The following RIMS2 variants were observed in gnomAD, a reference collection of about 807,000 sequenced individuals.
RIMS2 encodes regulating synaptic membrane exocytosis 2.
Under a neutral mutation model 174.4 loss-of-function variants are expected in RIMS2, and 59 were observed. The ratio of observed to expected loss-of-function variants is 0.34; its 90% CI spans 0.27 to 0.42. The LOEUF (loss-of-function observed/expected upper bound fraction) is 0.42, where lower values mean the gene tolerates loss of function less well. Ranked by LOEUF, RIMS2 falls within the 10% of genes least tolerant of loss-of-function variation. The pLI is 1.00. For missense variants in RIMS2, 1,620 were observed against 1,666.3 expected (o/e 0.97, Z 0.48); for synonymous variants, 606 against 572.5 (o/e 1.06, Z -0.84).
chr8:103,569,387 CT>C (rs1400918363), intron 1 of RIMS2, among the ~76,000 whole-genome samples: 1 of 152,012 alleles, frequency 6.6e-6, no homozygotes. Context: ...TAGAACTGAT[CT>C]GAAAAAAAGC....
chr8:103,981,970 G>GT (rs988892797), intron 16 of RIMS2, among the ~76,000 whole-genome samples: 9 of 152,022 alleles, frequency 5.9e-5, no homozygotes, highest in African/African-American at 9.7e-5. Flanking sequence ...AAACAGGTTT[G>GT]TTTTTTTAAA....
Position 103,575,679 on chromosome 8 carries a change from C to T in RIMS2, c.176+74617C>T, listed in dbSNP as rs796918101. On this transcript the variant is annotated intron_variant, in intron 1 of 23. Coordinates refer to ENST00000504942, the Ensembl canonical transcript of RIMS2. ...ATATATAAACACACACATACACACA[C>T]ACACACATATATATATATATACACA... 1.4e-3 allele frequency among the ~76,000 whole-genome samples: 195 copies of T among 141,026 alleles called. 4 individuals carry two copies. Among genetic ancestry groups the T allele is most frequent in the East Asian group, 8.2e-3 (38 of 4,640 alleles). 92.5% of individuals were successfully genotyped at this position (141,026 alleles called of 152,430 possible).
At chr8:103,841,439 C>CT (rs1208438515) in intron 3 of RIMS2, among the ~76,000 whole-genome samples, 1 of 151,812 alleles carries the variant, frequency 6.6e-6, no homozygotes, top group Non-Finnish European at 1.5e-5. Context: ...GATTCTCTGT[C>CT]TCGGTGTAAA....
intron 3 of RIMS2, among the ~76,000 whole-genome samples, chr8:103,802,252 A>C (rs1401062567): frequency 6.6e-6 from 1 of 152,196 alleles, no homozygotes; most frequent in Non-Finnish European, 1.5e-5. Flanking sequence ...AATTTAATAA[A>C]TTGTAAGGCG....
intron 4 of RIMS2, among the ~76,000 whole-genome samples, chr8:103,891,256 T>C (rs1363767451): frequency 1.3e-5 from 2 of 152,166 alleles, no homozygotes; most frequent in East Asian, 3.9e-4. Flanking sequence ...TGTTTTGTTA[T>C]AATGTAAAAT....
chr8:104,125,785 C>A (rs1309557784), intron 19 of RIMS2, among the ~76,000 whole-genome samples: 1 of 152,134 alleles, frequency 6.6e-6, no homozygotes, highest in African/African-American at 2.4e-5. Context: ...AATTATAATT[C>A]TAAAACCTTT....
rs117425705 is a variant in RIMS2 at position 103,684,046 on chromosome 8, C to T, written c.177-13040C>T. ...ACTGGCTGACTTTAGGTTAGCACTT[C>T]GAAATCTAACTTTTCTTAATGTCAG... On this transcript the variant is annotated intron_variant, in intron 1 of 23. Transcript: ENST00000504942. Among the ~76,000 whole-genome samples, 72 of 152,232 alleles carry T rather than the reference C, an allele frequency of 4.7e-4. 3 individuals are homozygous for T. In the East Asian group the frequency reaches 0.011, roughly 23 times the overall value.
Position 103,705,359 on chromosome 8 carries a change from C to T in RIMS2, c.387+8063C>T, listed in dbSNP as rs75557049. Among the ~76,000 whole-genome samples the T allele has an allele frequency of 7.3e-3, 1,102 of 151,936 alleles. 21 individuals are homozygous for T. The highest frequency in any genetic ancestry group is 0.025 in the African/African-American group (1,036 of 41,456). ...ATTTCACTATGACTTGTTTTCTGGCCTAAGATATGATCTGTTTTGGAGAAT... is the reference window on the plus strand; with the variant it reads ...ATTTCACTATGACTTGTTTTCTGGCTTAAGATATGATCTGTTTTGGAGAAT... On this transcript the variant is annotated intron_variant, in intron 2 of 23. Coordinates refer to ENST00000504942, the Ensembl canonical transcript of RIMS2.
At chr8:104,039,718 G>T (rs1337762947) in intron 19 of RIMS2, among the ~76,000 whole-genome samples, 3 of 151,642 alleles carry the variant, frequency 2.0e-5, no homozygotes, top group Non-Finnish European at 4.4e-5. Context: ...ACGAAAGTCG[G>T]CATTTGCCTA....
chr8:103,575,671 T>TAC (rs750157720), intron 1 of RIMS2, among the ~76,000 whole-genome samples: 25 of 117,298 alleles, frequency 2.1e-4, no homozygotes, highest in African/African-American at 4.9e-4. Flanking sequence ...AACACACACA[T>TAC]ACACACACAC....
intron 17 of RIMS2, among the ~76,000 whole-genome samples, chr8:104,013,072 T>C (rs1421880501): frequency 6.6e-6 from 1 of 152,232 alleles, no homozygotes; most frequent in Non-Finnish European, 1.5e-5. Flanking sequence ...TTAATGCTTA[T>C]ATGGTTTTCT....
At chr8:103,996,512 G>A (rs1596657302) in intron 17 of RIMS2, among the ~76,000 whole-genome samples, 1 of 152,008 alleles carries the variant, frequency 6.6e-6, no homozygotes, top group African/African-American at 2.4e-5. Flanking sequence ...AAAAACAATT[G>A]CATTATTTAG....
chr8:103,549,359 C>T (rs959729499), intron 1 of RIMS2, among the ~76,000 whole-genome samples: 19 of 152,232 alleles, frequency 1.2e-4, no homozygotes, highest in Middle Eastern at 3.4e-3. Context: ...AATTTCATAT[C>T]GAGCCAAACT....
intron 19 of RIMS2, among the ~76,000 whole-genome samples, chr8:104,121,945 G>A (rs979698948): frequency 1.3e-5 from 2 of 152,112 alleles, no homozygotes; most frequent in Non-Finnish European, 2.9e-5. Context: ...TGGGCAACAA[G>A]AGTGAGACTC....
At chr8:103,832,885 T>G (rs956910212) in intron 3 of RIMS2, among the ~76,000 whole-genome samples, 3 of 152,228 alleles carry the variant, frequency 2.0e-5, no homozygotes, top group Non-Finnish European at 4.4e-5. Context: ...TTAAGCAGTC[T>G]TATGTATTTT....
chr8:104,235,514 T>G, intron 19 of RIMS2, among the ~76,000 whole-genome samples: 1 of 152,140 alleles, frequency 6.6e-6, no homozygotes, highest in East Asian at 1.9e-4. Flanking sequence ...TCCTTTGTTC[T>G]GAATTGAGTA....
At chr8:104,019,260 A>G (rs1381118976) in intron 19 of RIMS2, among the ~76,000 whole-genome samples, 1 of 152,136 alleles carries the variant, frequency 6.6e-6, no homozygotes, top group African/African-American at 2.4e-5. Context: ...CTTTTATCAA[A>G]TTTTCACTAT....
At chr8:103,786,110 G>C (rs1189808997) in intron 3 of RIMS2, among the ~76,000 whole-genome samples, 1 of 151,938 alleles carries the variant, frequency 6.6e-6, no homozygotes, top group Non-Finnish European at 1.5e-5. Context: ...TGGGATTGGT[G>C]GTGATATCCC....
At chr8:103,750,964 C>A (rs2097881769) in intron 2 of RIMS2, among the ~76,000 whole-genome samples, 1 of 152,088 alleles carries the variant, frequency 6.6e-6, no homozygotes, top group African/African-American at 2.4e-5. Context: ...GCAGGTCTTT[C>A]TCGTGTTGTT....
Sources: allele counts gnomAD v4.1 joint callset (sites outside exome capture counted in the v4.1 genomes callset), GRCh38; gene constraint gnomAD v4.1.1; transcripts MANE v1.5; gene names NCBI Gene and HGNC (gene_info 2026-07-23, HGNC 2026-07-21).